Variants in SEC24D observed in about 807,000 individuals in gnomAD.
SEC24D encodes SEC24 homolog D, COPII component.
Under a neutral mutation model 116.9 loss-of-function variants are expected in SEC24D, and 69 were observed. The observed-to-expected ratio is 0.59, with a 90% CI of 0.49 to 0.72. SEC24D has a LOEUF of 0.72. Ranked by LOEUF, SEC24D falls within the 30% of genes least tolerant of loss-of-function variation. The probability of loss-of-function intolerance (pLI) is 0.00; values close to 1 mark genes in which losing one functional copy is unlikely to be tolerated. For synonymous variants in SEC24D, 405 were observed against 442.8 expected (o/e 0.91, Z 1.07); for missense variants, 1,131 against 1,264.1 (o/e 0.89, Z 1.60).
At chr4:118,781,887 C>T (rs1339847488) in intron 8 of SEC24D, among the ~76,000 whole-genome samples, 3 of 152,172 alleles carry the variant, frequency 2.0e-5, no homozygotes, top group Admixed American at 6.5e-5. Flanking sequence ...GCTACTGAAG[C>T]TTGTGCATGC....
chr4:118,774,038 G>A (rs1332888977), intron 8 of SEC24D, among the ~76,000 whole-genome samples: 1 of 151,888 alleles, frequency 6.6e-6, no homozygotes, highest in Non-Finnish European at 1.5e-5. Flanking sequence ...CATTGTGTTA[G>A]TTCTAAGACT....
chr4:118,768,417 C>CA (rs1727747186), intron 8 of SEC24D, 106 bp from the exon 9 acceptor site: 1 of 670,042 alleles, frequency 1.5e-6, no homozygotes, highest in Admixed American at 3.5e-5. Flanking sequence ...TTTTTTGAGA[C>CA]AGAGTCTTGC....
chr4:118,771,623 C>T (rs545095787), intron 8 of SEC24D, among the ~76,000 whole-genome samples: 2 of 151,542 alleles, frequency 1.3e-5, no homozygotes, highest in Admixed American at 6.6e-5. Context: ...TATCATTCTA[C>T]GAAATGAGAC....
intron 13 of SEC24D, 84 bp from the exon 14 acceptor site, chr4:118,745,144 T>C (rs1726447844): frequency 1.3e-6 from 1 of 776,708 alleles, no homozygotes; most frequent in Admixed American, 2.2e-5. Flanking sequence ...AAAATATAAG[T>C]TCTTTCTATG....
At chr4:118,825,331 G>A (rs559897920) in intron 2 of SEC24D, 28 of 308,536 alleles carry the variant, frequency 9.1e-5, no homozygotes, top group Non-Finnish European at 1.3e-4. Flanking sequence ...CACTCACAGA[G>A]TCAGATTCAC....
chr4:118,799,084 G>A (rs1306481922), intron 7 of SEC24D, among the ~76,000 whole-genome samples: 1 of 152,258 alleles, frequency 6.6e-6, no homozygotes, highest in Non-Finnish European at 1.5e-5. Flanking sequence ...CAGTGGGGAA[G>A]AGTAGAACCA....
intron 11 of SEC24D, among the ~76,000 whole-genome samples, chr4:118,754,698 T>C (rs989066196): frequency 6.6e-6 from 1 of 152,096 alleles, no homozygotes; most frequent in Admixed American, 6.6e-5. Context: ...CCAACTCCAG[T>C]TTAGTCATGT....
At chr4:118,833,347 G>A (rs1730955753) in intron 2 of SEC24D, 1 of 368,864 alleles carries the variant, frequency 2.7e-6, no homozygotes, top group African/African-American at 2.1e-5. Flanking sequence ...AAATAAAACA[G>A]GAAGTGTTTG....
intron 6 of SEC24D, among the ~76,000 whole-genome samples, chr4:118,806,850 G>C (rs1366506888): frequency 6.6e-6 from 1 of 151,984 alleles, no homozygotes. Flanking sequence ...AGCCAGGCAT[G>C]GTGGCACCTG....
At chr4:118,835,164 G>A (rs147795457) in intron 1 of SEC24D, among the ~76,000 whole-genome samples, 3 of 152,268 alleles carry the variant, frequency 2.0e-5, no homozygotes, top group African/African-American at 4.8e-5. Context: ...TTAGGAAGTC[G>A]GCACGAACAC....
In SEC24D at chr4:118,815,012, T is replaced by A; in HGVS notation, c.801+16A>T. 6.2e-7 allele frequency: 1 copy of A among 1,611,376 alleles called. No individual in the cohort carries two copies. The highest frequency in any genetic ancestry group is 8.5e-7 in the Non-Finnish European group (1 of 1,178,988). ...TCCTTTGTGAGTGAGACTGTGAGAGTGAGAAGAGTACTTACTGGGCTAGGG... is the reference window on the plus strand; with the variant it reads ...TCCTTTGTGAGTGAGACTGTGAGAGAGAGAAGAGTACTTACTGGGCTAGGG... On this transcript the variant is annotated intron_variant, in intron 6 of 22. Transcript: ENST00000280551.
At chr4:118,824,809 G>C (rs1217031888) in intron 2 of SEC24D, 60 bp from the exon 3 acceptor site, 1 of 1,445,504 alleles carries the variant, frequency 6.9e-7, no homozygotes, top group East Asian at 2.4e-5. Context: ...ATGAGGCAAA[G>C]TCATTAGGTT....
chr4:118,835,153 C>T (rs752586810), intron 1 of SEC24D, among the ~76,000 whole-genome samples: 1 of 152,166 alleles, frequency 6.6e-6, no homozygotes, highest in Non-Finnish European at 1.5e-5. Context: ...ACCAAGAGCA[C>T]TTAGGAAGTC....
chr4:118,752,672 A>G (rs1235999508), intron 12 of SEC24D, 25 bp downstream of exon 12: 1 of 1,532,450 alleles, frequency 6.5e-7, no homozygotes, highest in South Asian at 1.2e-5. Flanking sequence ...ATTTACTTTT[A>G]AATTATAAAA....
chr4:118,771,631 G>C (rs1040857139), intron 8 of SEC24D, among the ~76,000 whole-genome samples: 2 of 151,628 alleles, frequency 1.3e-5, no homozygotes, highest in East Asian at 3.9e-4. Context: ...TACGAAATGA[G>C]ACTTAGTACT....
chr4:118,728,618 A>G lies in SEC24D; in HGVS notation c.2901T>C (p.Ser967=), dbSNP rs1333226200. 5 of 1,611,106 alleles carry G rather than the reference A, an allele frequency of 3.1e-6. No homozygotes were observed. The African/African-American group carries it at 5.3e-5, about 17-fold the overall frequency. Residue 967 remains serine, a synonymous_variant, in exon 22 of 23, where the codon TCT becomes TCC. Transcript: ENST00000280551. ...TLLPEVGNPY[S]QQLRMIMGII... is the part of the protein sequence containing the mutation. The stretch of plus-strand genomic sequence containing the variant: ...TACCCATTATCATTCTGAGTTGTTG[A>G]GAGTATGGGTTTCCCACTTCAGGCA...
intron 2 of SEC24D, among the ~76,000 whole-genome samples, chr4:118,831,538 C>T (rs987150363): frequency 5.9e-5 from 9 of 151,898 alleles, no homozygotes; most frequent in Admixed American, 2.0e-4. Flanking sequence ...ACGGCCCACA[C>T]GCAGCCCAGG....
chr4:118,803,476 C>T (rs748979639), intron 7 of SEC24D, among the ~76,000 whole-genome samples: 11 of 152,150 alleles, frequency 7.2e-5, no homozygotes, highest in Non-Finnish European at 1.0e-4. Flanking sequence ...TGGGTGTCCC[C>T]AACTTGGGCA....
intron 7 of SEC24D, among the ~76,000 whole-genome samples, chr4:118,799,855 T>C (rs573342900): frequency 6.6e-6 from 1 of 152,230 alleles, no homozygotes; most frequent in Non-Finnish European, 1.5e-5. Flanking sequence ...TAAGTTTTGC[T>C]GTAGAGGGGT....
Sources: allele counts gnomAD v4.1 joint callset (sites outside exome capture counted in the v4.1 genomes callset), GRCh38; gene constraint gnomAD v4.1.1; transcripts MANE v1.5; gene names NCBI Gene and HGNC (gene_info 2026-07-23, HGNC 2026-07-21).